The following SYNE2 variants were observed in gnomAD, a reference collection of about 807,000 sequenced individuals.
The protein encoded by SYNE2 is spectrin repeat containing nuclear envelope protein 2, also known as nesprin-2.
In SYNE2, 431 loss-of-function variants were observed where a neutral mutation model predicts 856.3. The observed-to-expected ratio is 0.50, with a 90% confidence interval of 0.47 to 0.55. SYNE2 has a LOEUF of 0.55. Ranked by LOEUF, SYNE2 falls within the 20% of genes least tolerant of loss-of-function variation. The pLI is 0.00. For missense variants in SYNE2, 8,129 were observed against 8,023.2 expected (o/e 1.01, Z -0.50); for synonymous variants, 2,923 against 2,872.3 (o/e 1.02, Z -0.56).
Position 63,909,198 on chromosome 14 carries a change from G to C in SYNE2, c.50G>C (p.Gly17Ala), listed in dbSNP as rs1373968416. 6.2e-7 allele frequency: 1 copy of C among 1,613,136 alleles called. No individual in the cohort carries two copies. Among genetic ancestry groups the C allele is most frequent in the Non-Finnish European group, 8.5e-7 (1 of 1,179,554 alleles). ...LPTEDEQGSW[G>A]IDDLHISLQA... ...ACCGAAGATGAACAGGGTTCCTGGGGCATCGACGATCTCCATATTTCATTG... is the reference window on the plus strand; with the variant it reads ...ACCGAAGATGAACAGGGTTCCTGGGCCATCGACGATCTCCATATTTCATTG... Residue 17 changes from glycine (G) to alanine (A), a missense_variant, in exon 2 of 116, where the codon GGC becomes GCC. Physicochemically the swap from Gly to Ala is moderately conservative, Grantham distance 60. This residue lies in a region of SYNE2 where 2,422 missense variants were observed against 2,357.4 expected (regional missense o/e 1.03). Coordinates refer to ENST00000555002, the MANE Select transcript of SYNE2 (RefSeq NM_182914.3).
Position 64,162,158 on chromosome 14 carries a change from A to G in SYNE2, c.16181A>G (p.His5394Arg). Residue 5394 changes from histidine to arginine, a missense_variant, in exon 88 of 116, where the codon CAT (histidine) becomes CGT (arginine). This residue lies in a region of SYNE2 where 5,410 missense variants were observed against 5,284.8 expected (regional missense o/e 1.02). Transcript: ENST00000555002. ...LQLWKAYSNA[H>R]GEAAARLKQQ... ...CTCTGGAAGGCCTATAGCAATGCTC[A>G]TGGTGAAGCTGCCGCAAGGCTGAAG... 2 of 1,614,258 alleles carry G rather than the reference A, an allele frequency of 1.2e-6. No individual in the cohort carries two copies. Among genetic ancestry groups the G allele is most frequent in the Non-Finnish European group, 1.7e-6 (2 of 1,180,040 alleles).
intron 30 of SYNE2, 105 bp downstream of exon 30, chr14:64,003,435 C>T: frequency 7.1e-7 from 1 of 1,403,700 alleles, no homozygotes. Context: ...GCTTCTATTC[C>T]ATCCCACTCT....
chr14:63,803,015 A>T (rs906676848), intron 1 of SYNE2, among the ~76,000 whole-genome samples: 8 of 152,170 alleles, frequency 5.3e-5, no homozygotes, highest in African/African-American at 1.9e-4. Flanking sequence ...AGGGCACCTG[A>T]GCAGGTTGCC....
At chr14:64,200,038 C>G (rs923737769) in intron 99 of SYNE2, among the ~76,000 whole-genome samples, 2 of 152,144 alleles carry the variant, frequency 1.3e-5, no homozygotes, top group African/African-American at 4.8e-5. Context: ...AGTTCAAGAT[C>G]ACCACAGTCC....
At chr14:64,079,914 G>T (rs1367023316) in intron 55 of SYNE2, among the ~76,000 whole-genome samples, 1 of 152,082 alleles carries the variant, frequency 6.6e-6, no homozygotes, top group Non-Finnish European at 1.5e-5. Flanking sequence ...TGTCCAGGCT[G>T]GTCTTGAACT....
At chr14:64,028,534 C>CG (rs1435690136) in intron 43 of SYNE2, among the ~76,000 whole-genome samples, 1 of 152,056 alleles carries the variant, frequency 6.6e-6, no homozygotes, top group Middle Eastern at 3.2e-3. Context: ...GGATGACCTG[C>CG]GCGAGCCACT....
chr14:63,774,468 C>CAAAAAAAAAAAAAAAAAAA (rs748830808), intron 1 of SYNE2, among the ~76,000 whole-genome samples: 1 of 95,326 alleles, frequency 1.0e-5, no homozygotes. Context: ...GACTCCGTCT[C>CAAAAAAAAAAAAAAAAAAA]AAAAAAAAAA....
chr14:64,103,165 A>G (rs1034776493), intron 64 of SYNE2, among the ~76,000 whole-genome samples: 4 of 152,074 alleles, frequency 2.6e-5, no homozygotes, highest in African/African-American at 4.8e-5. Context: ...GCTTGGTTCT[A>G]TTTCTATTGT....
At chr14:63,826,768 G>A (rs1294996511) in intron 1 of SYNE2, among the ~76,000 whole-genome samples, 1 of 152,022 alleles carries the variant, frequency 6.6e-6, no homozygotes, top group African/African-American at 2.4e-5. Context: ...AAAATCTAGG[G>A]GGATATCTTT....
At position 64,129,827 on chromosome 14, in the gene SYNE2, G is replaced by C; in HGVS notation, c.14065G>C (p.Val4689Leu). ...GGAGCTGGAGAACGCCGAGAGCCGA[G>C]TGGCCAAACTAAGAGATGAAGGGGA... Reference protein sequence around the residue: ...TVELENAESRVAKLRDEGERL... With the variant: ...TVELENAESRLAKLRDEGERL... Residue 4689 changes from valine to leucine, a missense_variant, in exon 75 of 116, where the codon GTG becomes CTG. Physicochemically the swap from Val to Leu is conservative, Grantham distance 32 (BLOSUM62 1). Transcript: ENST00000555002. 6.2e-7 allele frequency: 1 copy of C among 1,614,192 alleles called. No individual in the cohort carries two copies. The highest frequency in any genetic ancestry group is 8.5e-7 in the Non-Finnish European group (1 of 1,180,034).
chr14:64,163,623 T>A lies in SYNE2; in HGVS notation c.16479+42T>A, dbSNP rs901163454. On this transcript the variant is annotated intron_variant, in intron 89 of 115. Coordinates refer to ENST00000555002, the MANE Select transcript of SYNE2 (RefSeq NM_182914.3). ...CATTCAAGTTTTAGTCTTAGACATT[T>A]GCATTCCATCCTCAATCCCTTGTAT... 1.4e-5 allele frequency: 23 copies of A among 1,609,836 alleles called. No homozygotes were observed. In the Admixed American group the frequency reaches 2.7e-4, roughly 19 times the overall value.
At position 64,052,277 on chromosome 14, in the gene SYNE2, G is replaced by C. The variant is rs1020192497; in HGVS notation, c.8364G>C (p.Glu2788Asp). ...AGTCTGTGGAATCGTTGGCTGAAGA[G>C]GTCAAAGATAAGGTTCCTAGCCTTA... is the stretch of plus-strand genomic sequence containing the variant. ...RQQSVESLAE[E>D]VKDKVPSLTT... The change falls in exon 48 of 116, where the codon GAG becomes GAC. Residue 2788 changes from glutamate (E) to aspartate (D), a missense_variant. By Grantham distance (45) the Glu-to-Asp change is conservative. Coordinates refer to ENST00000555002, the MANE Select transcript of SYNE2 (RefSeq NM_182914.3). 5.6e-6 allele frequency: 9 copies of C among 1,613,994 alleles called. No homozygotes were observed. Among genetic ancestry groups the C allele is most frequent in the Non-Finnish European group, 7.6e-6 (9 of 1,180,040 alleles).
intron 99 of SYNE2, among the ~76,000 whole-genome samples, chr14:64,195,420 T>C (rs1182067042): frequency 6.6e-6 from 1 of 152,204 alleles, no homozygotes. Flanking sequence ...CTGTCGTCCT[T>C]ATTAAGCCAC....
At chr14:64,143,736 C>CATG in intron 82 of SYNE2, 36 bp from the exon 83 acceptor site, 1 of 1,611,088 alleles carries the variant, frequency 6.2e-7, no homozygotes, top group Non-Finnish European at 8.5e-7. Flanking sequence ...GACCAACATT[C>CATG]ATGACTGCTT....
At chr14:64,123,891 C>CTTT (rs751630524) in intron 70 of SYNE2, among the ~76,000 whole-genome samples, 1 of 140,492 alleles carries the variant, frequency 7.1e-6, no homozygotes, top group African/African-American at 2.7e-5. Flanking sequence ...CACACACCAC[C>CTTT]TTTTTTTTTT....
intron 1 of SYNE2, among the ~76,000 whole-genome samples, chr14:63,788,821 A>C (rs1595111122): frequency 6.6e-6 from 1 of 152,238 alleles, no homozygotes; most frequent in Non-Finnish European, 1.5e-5. Flanking sequence ...CAGAACTAAA[A>C]ATAGAACTAG....
rs12882496 is a variant in SYNE2, at chr14:63,992,155, T to C, written c.2646+1040T>C. ...CTCCTAGGTTCCTGAAAGTACTAAATTGACCTTAAGAATGAATGCTTGTTT... is the reference window on the plus strand; with the variant it reads ...CTCCTAGGTTCCTGAAAGTACTAAACTGACCTTAAGAATGAATGCTTGTTT... On this transcript the variant is annotated intron_variant, in intron 21 of 115. Coordinates refer to ENST00000555002, the MANE Select transcript of SYNE2 (RefSeq NM_182914.3). Among the ~76,000 whole-genome samples the C allele has an allele frequency of 1.3e-4, 20 of 152,200 alleles. No individual in the cohort carries two copies. The East Asian group carries it at 3.3e-3, about 25-fold the overall frequency.
chr14:64,130,001 C>G, intron 75 of SYNE2, 47 bp from the exon 76 acceptor site: 1 of 1,612,996 alleles, frequency 6.2e-7, no homozygotes, highest in Non-Finnish European at 8.5e-7. Flanking sequence ...CAGTTATTGC[C>G]CCGGTTGGAT....
chr14:64,008,314 G>T (rs1240219798), intron 31 of SYNE2, among the ~76,000 whole-genome samples: 1 of 152,174 alleles, frequency 6.6e-6, no homozygotes, highest in Non-Finnish European at 1.5e-5. Flanking sequence ...CTTTTGCCTT[G>T]TGAGGTAACA....
Sources: allele counts gnomAD v4.1 joint callset (sites outside exome capture counted in the v4.1 genomes callset), GRCh38; gene constraint gnomAD v4.1.1; regional missense constraint gnomAD v4.1.1; transcripts MANE v1.5; gene names NCBI Gene and HGNC (gene_info 2026-07-23, HGNC 2026-07-21).